NALCN: variants seen among roughly 807,000 people sequenced by gnomAD.
The protein encoded by NALCN is sodium leak channel, non-selective, also known as sodium leak channel NALCN.
A neutral mutation model predicts 225.3 loss-of-function variants in NALCN; 111 were observed. The ratio of observed to expected loss-of-function variants is 0.49; its 90% CI spans 0.42 to 0.58. NALCN has a LOEUF of 0.58. Ranked by LOEUF, NALCN falls within the 20% of genes least tolerant of loss-of-function variation. The probability of loss-of-function intolerance (pLI) is 0.00; values close to 1 mark genes in which losing one functional copy is unlikely to be tolerated. For missense variants in NALCN, 1,378 were observed against 2,202.4 expected (o/e 0.63, Z 7.49); for synonymous variants, 764 against 769.0 (o/e 0.99, Z 0.11).
intron 11 of NALCN, among the ~76,000 whole-genome samples, chr13:101,244,299 G>T (rs1007038401): frequency 3.3e-5 from 5 of 151,998 alleles, no homozygotes; most frequent in Admixed American, 2.0e-4. Context: ...CTTACTAACT[G>T]CATATATTAT....
chr13:101,058,669 T>C (rs2031557776), intron 42 of NALCN: 1 of 152,132 alleles, frequency 6.6e-6, no homozygotes, highest in South Asian at 2.1e-4. Context: ...TTTTTTTTTT[T>C]TTTTTGTCAC....
intron 35 of NALCN, 93 bp downstream of exon 35, chr13:101,075,779 TA>T: frequency 9.6e-7 from 1 of 1,045,710 alleles, no homozygotes. Flanking sequence ...ATTACATCCC[TA>T]AATAACCGAG....
chr13:101,307,817 T>A (rs1346254427), intron 7 of NALCN, among the ~76,000 whole-genome samples: 1 of 152,096 alleles, frequency 6.6e-6, no homozygotes, highest in African/African-American at 2.4e-5. Context: ...CCAACAAGAG[T>A]AGGTAAAGAT....
At chr13:101,186,330 C>T (rs1336190846) in intron 14 of NALCN, among the ~76,000 whole-genome samples, 1 of 152,150 alleles carries the variant, frequency 6.6e-6, no homozygotes, top group Admixed American at 6.5e-5. Flanking sequence ...TTATTTGTAG[C>T]CCCTAAGAGG....
At chr13:101,077,758 T>A (rs1015969488) in intron 34 of NALCN, among the ~76,000 whole-genome samples, 4 of 152,236 alleles carry the variant, frequency 2.6e-5, no homozygotes, top group African/African-American at 9.6e-5. Flanking sequence ...TGCAGAAATT[T>A]ACATAAGTAA....
At chr13:101,229,973 G>A (rs975682838) in intron 12 of NALCN, among the ~76,000 whole-genome samples, 3 of 152,124 alleles carry the variant, frequency 2.0e-5, no homozygotes, top group Non-Finnish European at 4.4e-5. Flanking sequence ...GAGGCCATAA[G>A]TGAAAAATTC....
chr13:101,398,379 A>G (rs1162236427), intron 2 of NALCN, among the ~76,000 whole-genome samples: 4 of 152,168 alleles, frequency 2.6e-5, no homozygotes, highest in Non-Finnish European at 4.4e-5. Flanking sequence ...AGCATCAACC[A>G]TGAGATGAGT....
intron 7 of NALCN, among the ~76,000 whole-genome samples, chr13:101,315,415 C>G (rs2044519093): frequency 6.6e-6 from 1 of 151,986 alleles, no homozygotes; most frequent in South Asian, 2.1e-4. Flanking sequence ...CAGTATAGAT[C>G]TAGTAGCACT....
chr13:101,078,220 GTCCACACACAGA>G (rs1462363895), intron 34 of NALCN, among the ~76,000 whole-genome samples: 1,165 of 13,632 alleles, frequency 0.085, 12 homozygotes, highest in African/African-American at 0.34. Flanking sequence ...TGTGGTTGGA[GTCCACACACAGA>G]GTCCACACAC....
intron 11 of NALCN, among the ~76,000 whole-genome samples, chr13:101,250,365 A>C (rs2042025685): frequency 6.6e-6 from 1 of 152,074 alleles, no homozygotes; most frequent in South Asian, 2.1e-4. Context: ...GCCCTAATAG[A>C]TCTCAAGGTT....
At chr13:101,401,437 G>C (rs1392746339) in intron 1 of NALCN, among the ~76,000 whole-genome samples, 1 of 152,064 alleles carries the variant, frequency 6.6e-6, no homozygotes, top group African/African-American at 2.4e-5. Context: ...CACATACAAA[G>C]GAGCAAGTAA....
At chr13:101,109,430 G>C (rs1196497830) in intron 20 of NALCN, among the ~76,000 whole-genome samples, 2 of 152,084 alleles carry the variant, frequency 1.3e-5, no homozygotes, top group African/African-American at 4.8e-5. Flanking sequence ...CCATGTACTT[G>C]GACTAAAACA....
intron 30 of NALCN, among the ~76,000 whole-genome samples, chr13:101,088,305 A>T (rs558964378): frequency 6.6e-6 from 1 of 152,282 alleles, no homozygotes; most frequent in South Asian, 2.1e-4. Flanking sequence ...ACAGTGAATG[A>T]CAGATACAGT....
chr13:101,344,980 C>A (rs1308627190), intron 7 of NALCN, among the ~76,000 whole-genome samples: 1 of 152,074 alleles, frequency 6.6e-6, no homozygotes, highest in Non-Finnish European at 1.5e-5. Flanking sequence ...GTTCAACAAA[C>A]AAATATTTTT....
At chr13:101,392,355 G>T (rs906285650) in intron 3 of NALCN, among the ~76,000 whole-genome samples, 1 of 152,070 alleles carries the variant, frequency 6.6e-6, no homozygotes, top group Admixed American at 6.5e-5. Context: ...TTATCGGAAT[G>T]GAAGGATAAC....
At chr13:101,279,836 A>AAAT (rs547147370) in intron 10 of NALCN, among the ~76,000 whole-genome samples, 23,183 of 133,234 alleles carry the variant, frequency 0.17, 2,142 homozygotes, top group African/African-American at 0.2. Flanking sequence ...ATAAATAAAT[A>AAAT]AAATAAATAA....
chr13:101,161,030 AT>A (rs1360703393), intron 15 of NALCN, among the ~76,000 whole-genome samples: 2 of 152,198 alleles, frequency 1.3e-5, no homozygotes, highest in Non-Finnish European at 2.9e-5. Flanking sequence ...GCTCCAGCAT[AT>A]TTTTTCTTCC....
At chr13:101,177,643 A>T (rs897483443) in intron 14 of NALCN, among the ~76,000 whole-genome samples, 1 of 152,086 alleles carries the variant, frequency 6.6e-6, no homozygotes, top group African/African-American at 2.4e-5. Context: ...ATTTTTAAAA[A>T]TATTTTACGC....
intron 2 of NALCN, among the ~76,000 whole-genome samples, chr13:101,395,798 A>G (rs553806132): frequency 1.3e-5 from 2 of 152,122 alleles, no homozygotes; most frequent in African/African-American, 2.4e-5. Context: ...TTTTTGTACT[A>G]TAAGTACCTA....
Sources: gnomAD v4.1 joint callset for allele counts (sites outside exome capture counted in the v4.1 genomes callset) on GRCh38, gnomAD v4.1.1 for gene constraint, MANE v1.5 for transcripts, NCBI Gene and HGNC (gene_info 2026-07-23, HGNC 2026-07-21) for gene names.